Variants in NFATC3 observed in about 807,000 individuals in gnomAD.
The protein encoded by NFATC3 is nuclear factor of activated T cells 3, also known as nuclear factor of activated T-cells, cytoplasmic 3.
NFATC3 carries 46 observed loss-of-function variants against 98.6 expected under a neutral mutation model. The ratio of observed to expected loss-of-function variants is 0.47; its 90% confidence interval spans 0.37 to 0.60. The LOEUF is 0.60. Ranked by LOEUF, NFATC3 falls within the 20% of genes least tolerant of loss-of-function variation. The pLI is 0.00. For missense variants in NFATC3, 1,256 were observed against 1,295.5 expected (o/e 0.97, Z 0.47); for synonymous variants, 512 against 472.2 (o/e 1.08, Z -1.09).
chr16:68,202,385 A>G (rs2040962769), intron 9 of NFATC3, among the ~76,000 whole-genome samples: 1 of 152,232 alleles, frequency 6.6e-6, no homozygotes, highest in African/African-American at 2.4e-5. Flanking sequence ...CAAGGGAATG[A>G]TAAACACAAC....
intron 1 of NFATC3, 102 bp downstream of exon 1, chr16:68,085,886 CTGTG>C: frequency 2.2e-6 from 2 of 900,222 alleles, no homozygotes; most frequent in Non-Finnish European, 3.1e-6. Context: ...ACCGATAACC[CTGTG>C]TGTGTGTGTG....
chr16:68,199,519 C>T (rs556429706), intron 9 of NFATC3, among the ~76,000 whole-genome samples: 22 of 149,360 alleles, frequency 1.5e-4, no homozygotes, highest in African/African-American at 4.2e-4. Flanking sequence ...CCACCGCGCC[C>T]GGCCCCAAGA....
rs1372339245 is a variant in NFATC3, at chr16:68,222,289, C to CCAAAAAAAAAAAAAAAAAAAA, written c.3107-4061_3107-4060insCAAAAAAAAAAAAAAAAAAAA. Among the ~76,000 whole-genome samples the CCAAAAAAAAAAAAAAAAAAAA allele has an allele frequency of 1.1e-4, 3 of 26,404 alleles. 1 individual carries two copies. The highest frequency in any genetic ancestry group is 2.8e-4 in the African/African-American group (3 of 10,740). The allele number at this position is 26,404 out of a possible 152,430, so 17.3% of individuals were successfully genotyped here. ...GGGCAACAGAGTGAGACCCCATTGC[C>CCAAAAAAAAAAAAAAAAAAAA]AAAAAAAAAAAAAAAAAAAAAAAAA... On this transcript the variant is annotated intron_variant, in intron 9 of 9. Coordinates refer to ENST00000346183, the MANE Select transcript of NFATC3 (RefSeq NM_173165.3).
At chr16:68,210,876 A>T (rs1271917513) in intron 9 of NFATC3, among the ~76,000 whole-genome samples, 2 of 151,554 alleles carry the variant, frequency 1.3e-5, no homozygotes, top group East Asian at 3.9e-4. Flanking sequence ...CTGCCTCCCC[A>T]GTTCAAGCGA....
At chr16:68,205,475 T>G (rs2041108650) in intron 9 of NFATC3, among the ~76,000 whole-genome samples, 1 of 152,162 alleles carries the variant, frequency 6.6e-6, no homozygotes, top group African/African-American at 2.4e-5. Context: ...GGTCTCGGCC[T>G]CCCAAAGTGC....
intron 3 of NFATC3, among the ~76,000 whole-genome samples, chr16:68,142,476 G>C (rs1015416668): frequency 1.3e-5 from 2 of 151,914 alleles, no homozygotes; most frequent in African/African-American, 4.8e-5. Flanking sequence ...TCTAGGAGTC[G>C]GCCTGGCATG....
Position 68,157,940 on chromosome 16 carries a change from A to G in NFATC3, c.1473A>G (p.Arg491=). ...GGACAGCAGATGATCGATATTTACG[A>G]CCTCATGCATTTTACCAGGTGCATC... ...FIGTADDRYL[R]PHAFYQVHRI... The change falls in exon 4 of 10, where the codon CGA becomes CGG. Residue 491 remains arginine (R), a synonymous_variant. Coordinates refer to ENST00000346183, the MANE Select transcript of NFATC3 (RefSeq NM_173165.3). 2 of 1,613,900 alleles carry G rather than the reference A, an allele frequency of 1.2e-6. No individual in the cohort carries two copies. Among genetic ancestry groups the G allele is most frequent in the South Asian group, 1.1e-5 (1 of 91,052 alleles).
chr16:68,138,846 G>A (rs2037593613), intron 3 of NFATC3: 1 of 1,163,114 alleles, frequency 8.6e-7, no homozygotes, highest in South Asian at 1.6e-5. Context: ...TCATGGCTAA[G>A]TCACTAATAC....
chr16:68,226,378 C>T lies in NFATC3; in HGVS notation c.3135C>T (p.Ser1045=). Residue 1045 remains serine (S), a synonymous_variant, in exon 10 of 10, where the codon TCC becomes TCT. Transcript: ENST00000346183. ...DVNEIIGRDM[S]QISVSQGAGV... ...ACGAGATAATTGGGAGAGACATGTC[C>T]CAGATTTCTGTTTCCCAAGGAGCAG... The T allele has an allele frequency of 6.4e-7, 1 of 1,568,070 alleles. No homozygotes were observed. Among genetic ancestry groups the T allele is most frequent in the Non-Finnish European group, 8.6e-7 (1 of 1,162,364 alleles).
intron 5 of NFATC3, among the ~76,000 whole-genome samples, chr16:68,171,806 AT>A (rs576905528): frequency 5.9e-4 from 88 of 150,048 alleles, no homozygotes; most frequent in African/African-American, 2.1e-3. Flanking sequence ...TCTTTTTTTT[AT>A]GATGGAGTCT....
intron 2 of NFATC3, among the ~76,000 whole-genome samples, chr16:68,125,697 C>T (rs551492112): frequency 1.4e-4 from 21 of 151,970 alleles, no homozygotes; most frequent in Admixed American, 4.6e-4. Flanking sequence ...TGGAGAGATA[C>T]AGATATACAT....
At chr16:68,167,322 A>G (rs1218212655) in intron 5 of NFATC3, among the ~76,000 whole-genome samples, 2 of 152,230 alleles carry the variant, frequency 1.3e-5, no homozygotes, top group African/African-American at 2.4e-5. Context: ...GGACCAAATC[A>G]TGAAGCTATG....
intron 1 of NFATC3, among the ~76,000 whole-genome samples, chr16:68,096,753 A>G (rs1213009857): frequency 6.6e-6 from 1 of 152,194 alleles, no homozygotes; most frequent in Non-Finnish European, 1.5e-5. Flanking sequence ...CGATTATCAC[A>G]CCCAAAGACA....
chr16:68,167,080 T>C (rs1356439283), intron 5 of NFATC3, 65 bp downstream of exon 5: 7 of 1,512,664 alleles, frequency 4.6e-6, no homozygotes, highest in South Asian at 1.2e-5. Flanking sequence ...GTTTTACTTA[T>C]AATGTAATGT....
intron 9 of NFATC3, among the ~76,000 whole-genome samples, chr16:68,192,864 A>G (rs925687512): frequency 6.6e-6 from 1 of 152,098 alleles, no homozygotes; most frequent in Admixed American, 6.6e-5. Flanking sequence ...CCCTGCCTCA[A>G]ATTTAAAAAA....
Position 68,146,903 on chromosome 16 carries a change from T to G in NFATC3, c.1402-10966T>G, listed in dbSNP as rs1387340264. Reference sequence around the variant, plus strand: ...AGACTAGTGTTAACAGTAGTAGTAATTTATTTATTGCCTACAACATAAATG... The same window carrying G: ...AGACTAGTGTTAACAGTAGTAGTAAGTTATTTATTGCCTACAACATAAATG... On this transcript the variant is annotated intron_variant, in intron 3 of 9. Coordinates refer to ENST00000346183, the MANE Select transcript of NFATC3 (RefSeq NM_173165.3). 2.0e-5 allele frequency among the ~76,000 whole-genome samples: 3 copies of G among 152,260 alleles called. 1 individual carries two copies. Among genetic ancestry groups the G allele is most frequent in the Non-Finnish European group, 4.4e-5 (3 of 68,034 alleles).
At chr16:68,183,815 C>T (rs1771618050) in intron 8 of NFATC3, among the ~76,000 whole-genome samples, 1 of 151,824 alleles carries the variant, frequency 6.6e-6, no homozygotes, top group African/African-American at 2.4e-5. Context: ...ACCAGCCTGA[C>T]CAACATGGAT....
intron 9 of NFATC3, among the ~76,000 whole-genome samples, chr16:68,219,421 T>G (rs8048364): frequency 0.27 from 41,120 of 151,442 alleles, 7,355 homozygotes; most frequent in African/African-American, 0.51. Context: ...AATTAGCTGG[T>G]CTTGGTGGCA....
intron 3 of NFATC3, among the ~76,000 whole-genome samples, chr16:68,155,566 A>T (rs1322250594): frequency 6.6e-6 from 1 of 152,160 alleles, no homozygotes; most frequent in African/African-American, 2.4e-5. Flanking sequence ...AGACTTGGTT[A>T]TGAAGCATAG....
Sources: gnomAD v4.1 joint callset for allele counts (sites outside exome capture counted in the v4.1 genomes callset) on GRCh38, gnomAD v4.1.1 for gene constraint, MANE v1.5 for transcripts, NCBI Gene and HGNC (gene_info 2026-07-23, HGNC 2026-07-21) for gene names.